The following AHNAK variants were observed in gnomAD, a reference collection of about 807,000 sequenced individuals.
AHNAK encodes AHNAK nucleoprotein.
A neutral mutation model predicts 37.8 loss-of-function variants in AHNAK; 23 were observed. The observed-to-expected ratio is 0.61, with a 90% CI of 0.44 to 0.86. AHNAK has a LOEUF of 0.86. Among genes scored for constraint, AHNAK ranks in the 40% least tolerant of loss-of-function variants. The pLI is 0.00. For missense variants in AHNAK, 7,411 were observed against 7,319.4 expected, an observed-to-expected ratio of 1.01 and a Z score of -0.46; for synonymous variants, 2,481 against 2,636.3, an observed-to-expected ratio of 0.94 and a Z score of 1.80.
At chr11:62,442,010 C>T (rs149614721) in intron 5 of AHNAK, among the ~76,000 whole-genome samples, 1 of 152,270 alleles carries the variant, frequency 6.6e-6, no homozygotes, top group African/African-American at 2.4e-5. Context: ...TTGACAACAT[C>T]AAGCTCCCCT....
chr11:62,512,733 C>T (rs555200418), downstream of AHNAK, among the ~76,000 whole-genome samples: 12 of 152,018 alleles, frequency 7.9e-5, no homozygotes, highest in African/African-American at 2.4e-4. The surrounding 1 kb of genome is among the most constrained non-coding windows in gnomAD (Gnocchi z 4.0). Flanking sequence ...GGTGAAACCC[C>T]GTCTCTACAA....
intron 5 of AHNAK, among the ~76,000 whole-genome samples, chr11:62,489,849 A>G (rs1026190948): frequency 1.2e-4 from 19 of 152,152 alleles, no homozygotes; most frequent in African/African-American, 4.3e-4. Flanking sequence ...AGGGGAGCCC[A>G]TAAAGGGCCT....
Position 62,530,294 on chromosome 11 carries a change from C to T in AHNAK, c.4123G>A (p.Gly1375Ser). 1 of 1,612,942 alleles carries T rather than the reference C, an allele frequency of 6.2e-7. No individual in the cohort carries two copies. The highest frequency in any genetic ancestry group is 8.5e-7 in the Non-Finnish European group (1 of 1,179,774). ...DISAPDVDVH[G>S]PDWHLKMPKV... ...GGCATCTTCAGGTGCCAATCTGGGC[C>T]ATGAACATCCACATCTGGAGCACTA... is the stretch of plus-strand genomic sequence containing the variant. Residue 1375 changes from glycine to serine, a missense_variant, in exon 5 of 5, where the codon GGC becomes AGC. By Grantham distance (56) the Gly-to-Ser change is moderately conservative. Transcript: ENST00000378024.
intron 5 of AHNAK, among the ~76,000 whole-genome samples, chr11:62,481,247 A>G (rs1254990835): frequency 6.6e-6 from 1 of 151,952 alleles, no homozygotes; most frequent in Non-Finnish European, 1.5e-5. Context: ...CTGGGATTAC[A>G]GGTGCCCACC....
Position 62,531,906 on chromosome 11 carries a change from A to G in AHNAK, c.2511T>C (p.Asp837=). 1 of 1,612,896 alleles carries G rather than the reference A, an allele frequency of 6.2e-7. No individual in the cohort carries two copies. The highest frequency in any genetic ancestry group is 8.5e-7 in the Non-Finnish European group (1 of 1,179,786). The change falls in exon 5 of 5, where the codon GAT becomes GAC. Residue 837 remains aspartate (D), a synonymous_variant. Coordinates refer to ENST00000378024, the MANE Select transcript of AHNAK (RefSeq NM_001620.3). The part of the protein sequence containing the change: ...LKGPNVKGEY[D]VTMPKVESEI... Reference sequence around the variant, plus strand: ...CACTTTCAACCTTTGGCATTGTGACATCATATTCTCCCTTTACGTTAGGGC... The same window carrying G: ...CACTTTCAACCTTTGGCATTGTGACGTCATATTCTCCCTTTACGTTAGGGC...
intron 4 of AHNAK, among the ~76,000 whole-genome samples, chr11:62,509,809 T>G (rs1328581719): frequency 6.6e-6 from 1 of 151,936 alleles, no homozygotes; most frequent in East Asian, 2.0e-4. Flanking sequence ...TCCCAGCCAC[T>G]CAGGAGGCTA....
intron 5 of AHNAK, among the ~76,000 whole-genome samples, chr11:62,453,751 G>T (rs1938590313): frequency 1.3e-5 from 2 of 152,234 alleles, no homozygotes; most frequent in Admixed American, 1.3e-4. Context: ...CAAGAGGATT[G>T]TGTCAACACA....
intron 5 of AHNAK, among the ~76,000 whole-genome samples, chr11:62,469,641 T>A (rs1033309806): frequency 1.3e-5 from 2 of 151,864 alleles, no homozygotes; most frequent in Non-Finnish European, 2.9e-5. Flanking sequence ...AATTTTTTTG[T>A]ATTTTTAGTA....
intron 5 of AHNAK, among the ~76,000 whole-genome samples, chr11:62,461,824 C>CAA (rs34702871): frequency 1.3e-4 from 12 of 90,052 alleles, no homozygotes; most frequent in African/African-American, 3.7e-4. Context: ...AACGACATCT[C>CAA]AAAAAAAAAA....
intron 5 of AHNAK, among the ~76,000 whole-genome samples, chr11:62,476,203 C>G (rs936172171): frequency 6.6e-6 from 1 of 152,140 alleles, no homozygotes; most frequent in Non-Finnish European, 1.5e-5. Flanking sequence ...GCCTGGCCAA[C>G]ATGGCGAAAC....
chr11:62,438,801 C>T (rs1938236026), intron 5 of AHNAK, among the ~76,000 whole-genome samples: 1 of 152,138 alleles, frequency 6.6e-6, no homozygotes, highest in African/African-American at 2.4e-5. Context: ...GTGGTATCTT[C>T]CTCTGGCGTG....
At position 62,531,940 on chromosome 11, in the gene AHNAK, TG is replaced by T; in HGVS notation, c.2476del (p.His826IlefsTer2). 2 of 1,614,132 alleles carry T rather than the reference TG, an allele frequency of 1.2e-6. No individual in the cohort carries two copies. The highest frequency in any genetic ancestry group is 1.7e-6 in the Non-Finnish European group (2 of 1,180,016). ...TCCCTTTACGTTAGGGCCTTTCAGA[TG>T]TAAGTCCACATCAGGCATGGAGATC... ...PKISMPDVDL[H>X]LKGPNVKGEY... is the part of the protein sequence containing the mutation. On this transcript the variant is annotated frameshift_variant, in exon 5 of 5. Coordinates refer to ENST00000378024, the MANE Select transcript of AHNAK (RefSeq NM_001620.3). LOFTEE classifies it low-confidence loss of function (END_TRUNC).
chr11:62,507,394 T>C (rs1212484299), intron 4 of AHNAK, among the ~76,000 whole-genome samples: 1 of 152,196 alleles, frequency 6.6e-6, no homozygotes, highest in Non-Finnish European at 1.5e-5. Context: ...TATATAAGAA[T>C]AGCTAACACA....
rs1940018667 is a variant in AHNAK at position 62,516,366 on chromosome 11, T to C, written c.*378A>G. The C allele has an allele frequency of 7.9e-7, 1 of 1,258,950 alleles. No individual in the cohort carries two copies. The highest frequency in any genetic ancestry group is 1.0e-6 in the Non-Finnish European group (1 of 970,908). 78.0% of individuals were successfully genotyped at this position (1,258,950 alleles called of 1,614,324 possible). ...TTACTAACAAAAGCCCCCAAAGTCA[T>C]TACAATGAAAAAGTGGGTTTCCATT... On this transcript the variant is annotated 3_prime_UTR_variant, in exon 5 of 5. Coordinates refer to ENST00000378024, the MANE Select transcript of AHNAK (RefSeq NM_001620.3).
intron 1 of AHNAK, among the ~76,000 whole-genome samples, chr11:62,539,450 G>A (rs192874288): frequency 0.012 from 682 of 56,552 alleles, 9 homozygotes; most frequent in African/African-American, 0.04. Context: ...CCACCCTCCC[G>A]CCCCAGTGAG....
rs1940780801 is a variant in AHNAK, at chr11:62,532,235, C to T, written c.2182G>A (p.Gly728Ser). 6.2e-7 allele frequency: 1 copy of T among 1,613,906 alleles called. No individual in the cohort carries two copies. The highest frequency in any genetic ancestry group is 1.3e-5 in the African/African-American group (1 of 74,842). Reference protein sequence around the residue: ...TVPKLEGELKGPKVDIDAPDV... With the variant: ...TVPKLEGELKSPKVDIDAPDV... ...GGGGCATCAATGTCCACTTTTGGGC[C>T]TTTGAGTTCTCCTTCCAGCTTTGGT... is the stretch of plus-strand genomic sequence containing the variant. Residue 728 changes from glycine (G) to serine (S), a missense_variant, in exon 5 of 5, where the codon GGC (glycine) becomes AGC (serine). Coordinates refer to ENST00000378024, the MANE Select transcript of AHNAK (RefSeq NM_001620.3).
rs891540431 is a variant in AHNAK, at chr11:62,528,143, T to G, written c.6274A>C (p.Ser2092Arg). The change falls in exon 5 of 5, where the codon AGC becomes CGC. Residue 2092 changes from serine (S) to arginine (R), a missense_variant. Ser to Arg is a moderately radical substitution (Grantham distance 110, BLOSUM62 -1). Transcript: ENST00000378024. The part of the protein sequence containing the change: ...PKVDVEVPDV[S>R]LEGPEGKLKG... The stretch of plus-strand genomic sequence containing the variant: ...AGCTTCCCTTCTGGACCTTCAAGGC[T>G]CACATCTGGGACTTCAACATCCACC... 1 of 1,612,236 alleles carries G rather than the reference T, an allele frequency of 6.2e-7. No homozygotes were observed. The highest frequency in any genetic ancestry group is 2.2e-5 in the East Asian group (1 of 44,650).
rs1355671106 is a variant in AHNAK, at chr11:62,528,111, G to A, written c.6306C>T (p.Gly2102=). ...GCATCTCAGGCATCTTAAGCTTGGG[G>A]CCCTTCAGCTTCCCTTCTGGACCTT... ...SLEGPEGKLK[G]PKLKMPEMHF... Residue 2102 remains glycine (G), a synonymous_variant, in exon 5 of 5, where the codon GGC becomes GGT. Coordinates refer to ENST00000378024, the MANE Select transcript of AHNAK (RefSeq NM_001620.3). The A allele has an allele frequency of 3.7e-6, 6 of 1,607,954 alleles. No homozygotes were observed. The Admixed American group carries it at 8.4e-5, about 23-fold the overall frequency.
intron 5 of AHNAK, among the ~76,000 whole-genome samples, chr11:62,460,781 G>A (rs977913279): frequency 2.6e-5 from 4 of 151,954 alleles, no homozygotes; most frequent in African/African-American, 9.7e-5. Flanking sequence ...TCCTGGAGAC[G>A]AGGTGGCTGT....
Sources: allele counts gnomAD v4.1 joint callset (sites outside exome capture counted in the v4.1 genomes callset), GRCh38; gene constraint gnomAD v4.1.1; non-coding constraint Gnocchi (gnomAD v3.1); transcripts MANE v1.5; gene names NCBI Gene and HGNC (gene_info 2026-07-23, HGNC 2026-07-21).